Variants in MAP2K4 observed in about 807,000 individuals in gnomAD.
MAP2K4 encodes mitogen-activated protein kinase kinase 4, also known as dual specificity mitogen-activated protein kinase kinase 4.
Under a neutral mutation model 48.5 loss-of-function variants are expected in MAP2K4, and 4 were observed. That is an observed-to-expected ratio of 0.08 (90% CI 0.04 to 0.19). MAP2K4 has a LOEUF of 0.19. Ranked by LOEUF, MAP2K4 falls within the 10% of genes least tolerant of loss-of-function variation. The pLI, the probability that MAP2K4 is intolerant of heterozygous loss-of-function variation, is 1.00. For missense variants in MAP2K4, 258 were observed against 493.3 expected (o/e 0.52, Z 4.52); for synonymous variants, 166 against 173.1 (o/e 0.96, Z 0.32).
intron 2 of MAP2K4, among the ~76,000 whole-genome samples, chr17:12,065,725 T>C (rs1035290345): frequency 1.3e-5 from 2 of 152,254 alleles, no homozygotes; most frequent in Non-Finnish European, 2.9e-5. Context: ...TGAGCCGCCG[T>C]GCCTGGCCAG....
intron 3 of MAP2K4, among the ~76,000 whole-genome samples, chr17:12,089,698 C>T (rs1219642670): frequency 6.6e-6 from 1 of 152,160 alleles, no homozygotes; most frequent in East Asian, 1.9e-4. Flanking sequence ...CTCTCGGACA[C>T]TCAGCTGAGC....
At chr17:12,087,200 T>A (rs1167713635) in intron 3 of MAP2K4, among the ~76,000 whole-genome samples, 1 of 152,176 alleles carries the variant, frequency 6.6e-6, no homozygotes, top group Non-Finnish European at 1.5e-5. Flanking sequence ...TGAACCAGTA[T>A]GTGATATATT....
In MAP2K4 at chr17:12,052,202, A is replaced by C. The variant is rs9898878; in HGVS notation, c.116-2687A>C. Among the ~76,000 whole-genome samples the C allele has an allele frequency of 2.8e-3, 431 of 152,250 alleles. 2 individuals are homozygous for C. Among genetic ancestry groups the C allele is most frequent in the African/African-American group, 6.5e-3 (272 of 41,562 alleles). ...GATCTTTGCTTGGAAAGGCTTCGAA[A>C]CCTACAGAATTACTTAGTGTGTTTT... On this transcript the variant is annotated intron_variant, in intron 1 of 10. Coordinates refer to ENST00000353533, the MANE Select transcript of MAP2K4 (RefSeq NM_003010.4).
intron 1 of MAP2K4, among the ~76,000 whole-genome samples, chr17:12,039,476 A>G (rs754856918): frequency 6.6e-6 from 1 of 152,208 alleles, no homozygotes; most frequent in Non-Finnish European, 1.5e-5. Context: ...GCAATTACCA[A>G]CATATAGCCA....
chr17:12,119,037 A>G (rs1972590132), intron 7 of MAP2K4, among the ~76,000 whole-genome samples: 1 of 152,256 alleles, frequency 6.6e-6, no homozygotes, highest in Admixed American at 6.5e-5. Flanking sequence ...CAAATTAATG[A>G]AGCTTCAGTT....
Position 12,127,512 on chromosome 17 carries a change from T to C in MAP2K4, c.892-1627T>C, listed in dbSNP as rs184396770. Reference sequence around the variant, plus strand: ...AGAAAATTTTTTAGCAAGTTTCTTTTAGTACTTTTAGCTAAACCTTGTTGT... The same window carrying C: ...AGAAAATTTTTTAGCAAGTTTCTTTCAGTACTTTTAGCTAAACCTTGTTGT... On this transcript the variant is annotated intron_variant, in intron 8 of 10. Coordinates refer to ENST00000353533, the MANE Select transcript of MAP2K4 (RefSeq NM_003010.4). 2.0e-5 allele frequency among the ~76,000 whole-genome samples: 3 copies of C among 152,390 alleles called. No individual in the cohort carries two copies. In the East Asian group the frequency reaches 5.8e-4, roughly 29 times the overall value.
chr17:12,095,740 G>A (rs1971716563), intron 4 of MAP2K4, 46 bp downstream of exon 4: 2 of 1,590,336 alleles, frequency 1.3e-6, no homozygotes, highest in South Asian at 1.1e-5. Flanking sequence ...ATCTAATTGG[G>A]ACAAATGAAG....
At chr17:12,088,568 A>AATATATATAATATATATTAAAT (rs370589423) in intron 3 of MAP2K4, among the ~76,000 whole-genome samples, 1 of 133,196 alleles carries the variant, frequency 7.5e-6, no homozygotes, top group Non-Finnish European at 1.6e-5. Context: ...ATATATATTA[A>AATATATATAATATATATTAAAT]ATATATAATA....
intron 5 of MAP2K4, among the ~76,000 whole-genome samples, chr17:12,109,514 G>A (rs1972236549): frequency 6.6e-6 from 1 of 152,180 alleles, no homozygotes; most frequent in Admixed American, 6.5e-5. Context: ...TAGTTGGCCT[G>A]TTGTTTAGTT....
chr17:12,128,552 G>T (rs888055231), intron 8 of MAP2K4, among the ~76,000 whole-genome samples: 1 of 152,042 alleles, frequency 6.6e-6, no homozygotes, highest in Non-Finnish European at 1.5e-5. Context: ...CCTTTATTGG[G>T]GCTTCAGGAT....
At chr17:12,115,932 T>C in intron 7 of MAP2K4, 1 of 501,712 alleles carries the variant, frequency 2.0e-6, no homozygotes, top group East Asian at 4.6e-5. Flanking sequence ...GTTCATCTTC[T>C]AACACCAGCT....
At chr17:12,053,012 A>G (rs1423335974) in intron 1 of MAP2K4, among the ~76,000 whole-genome samples, 1 of 152,134 alleles carries the variant, frequency 6.6e-6, no homozygotes, top group African/African-American at 2.4e-5. Context: ...TACCAGCTCA[A>G]AAATCCCAAA....
chr17:12,135,361 G>A (rs1663891930), intron 9 of MAP2K4, among the ~76,000 whole-genome samples: 1 of 152,122 alleles, frequency 6.6e-6, no homozygotes, highest in Admixed American at 6.5e-5. Context: ...TGGGATTACA[G>A]GCGCGAGCCA....
intron 9 of MAP2K4, among the ~76,000 whole-genome samples, chr17:12,136,282 GA>G (rs1247562195): frequency 2.0e-5 from 3 of 152,060 alleles, no homozygotes; most frequent in Non-Finnish European, 4.4e-5. Context: ...GGAATGAAAG[GA>G]AACAAAAAAT....
intron 8 of MAP2K4, among the ~76,000 whole-genome samples, chr17:12,125,726 C>A (rs1972831706): frequency 6.6e-6 from 1 of 152,168 alleles, no homozygotes. Context: ...CTTCTCCCAT[C>A]TCAGGCAAGG....
At chr17:12,024,839 C>G (rs978598300) in intron 1 of MAP2K4, among the ~76,000 whole-genome samples, 1 of 152,182 alleles carries the variant, frequency 6.6e-6, no homozygotes, top group Non-Finnish European at 1.5e-5. Flanking sequence ...CTAGCCATGG[C>G]TAGGGCTTTC....
Position 12,143,618 on chromosome 17 carries a change from ATTC to A in MAP2K4, c.*2361_*2363del, listed in dbSNP as rs917770650. ...GGAGCTTTGGAATATTTTATCCTGT[ATTC>A]TTGTTTGAATTCCTCCTCTATTTAA... On this transcript the variant is annotated 3_prime_UTR_variant, in exon 11 of 11. Transcript: ENST00000353533. 2.6e-5 allele frequency: 6 copies of A among 230,678 alleles called. No homozygotes were observed. The highest frequency in any genetic ancestry group is 2.5e-4 in the East Asian group (4 of 16,108). 14.3% of individuals were successfully genotyped at this position (230,678 alleles called of 1,614,324 possible).
chr17:12,042,515 C>T (rs1364901893), intron 1 of MAP2K4, among the ~76,000 whole-genome samples: 1 of 152,076 alleles, frequency 6.6e-6, no homozygotes, highest in African/African-American at 2.4e-5. Context: ...GGCGTGGTGG[C>T]CTGTAATCCC....
intron 4 of MAP2K4, among the ~76,000 whole-genome samples, chr17:12,096,067 T>TCCCCCCCCCCCCCCCCCCC (rs570546554): frequency 4.2e-5 from 1 of 23,760 alleles, no homozygotes; most frequent in Non-Finnish European, 8.1e-5. Context: ...GAGCAACGCC[T>TCCCCCCCCCCCCCCCCCCC]CCCCCCCCCC....
Sources: allele counts gnomAD v4.1 joint callset (sites outside exome capture counted in the v4.1 genomes callset), GRCh38; gene constraint gnomAD v4.1.1; transcripts MANE v1.5; gene names NCBI Gene and HGNC (gene_info 2026-07-23, HGNC 2026-07-21).